Variants in MBOAT1 observed in about 807,000 individuals in gnomAD.
MBOAT1 encodes the protein membrane bound glycerophospholipid O-acyltransferase 1.
Under a neutral mutation model 64.4 loss-of-function variants are expected in MBOAT1, and 67 were observed. That is an observed-to-expected ratio of 1.04 (90% CI 0.85 to 1.27). The LOEUF (loss-of-function observed/expected upper bound fraction) is 1.27, where lower values mean the gene tolerates loss of function less well. Ranked by LOEUF, MBOAT1 falls within the 50% of genes most tolerant of loss-of-function variation. MBOAT1 has a pLI of 0.00. For synonymous variants in MBOAT1, 229 were observed against 218.9 expected (o/e 1.05, Z -0.41); for missense variants, 563 against 604.6 (o/e 0.93, Z 0.72).
chr6:20,164,879 G>T (rs553509480), intron 1 of MBOAT1, among the ~76,000 whole-genome samples: 93 of 152,204 alleles, frequency 6.1e-4, no homozygotes, highest in African/African-American at 2.1e-3. Context: ...ACCATTTTGT[G>T]TTTCACTCTC....
At chr6:20,108,148 C>T (rs901270978) in intron 12 of MBOAT1, among the ~76,000 whole-genome samples, 4 of 152,290 alleles carry the variant, frequency 2.6e-5, no homozygotes, top group African/African-American at 9.6e-5. Context: ...GCTGGCAACA[C>T]GTGGCTGTTA....
intron 4 of MBOAT1, among the ~76,000 whole-genome samples, chr6:20,143,601 CA>C (rs1368509246): frequency 7.2e-5 from 11 of 152,128 alleles, no homozygotes; most frequent in African/African-American, 2.4e-4. Context: ...TGGAGCCTCT[CA>C]GAAGGTGGAG....
chr6:20,195,081 T>C (rs1239670013), intron 1 of MBOAT1, among the ~76,000 whole-genome samples: 1 of 151,902 alleles, frequency 6.6e-6, no homozygotes, highest in Admixed American at 6.6e-5. Context: ...GCCTCCTGAA[T>C]AGCTGGGACC....
intron 8 of MBOAT1, among the ~76,000 whole-genome samples, chr6:20,122,222 T>C (rs1193503845): frequency 1.3e-5 from 2 of 152,130 alleles, no homozygotes; most frequent in African/African-American, 4.8e-5. Context: ...GTAAGTAGGC[T>C]TCCAACCATA....
chr6:20,206,371 G>A (rs891065191), intron 1 of MBOAT1, among the ~76,000 whole-genome samples: 9 of 152,018 alleles, frequency 5.9e-5, no homozygotes, highest in East Asian at 1.9e-4. Context: ...ATGGGGTTTC[G>A]CCATGTTGGC....
intron 1 of MBOAT1, among the ~76,000 whole-genome samples, chr6:20,162,068 C>T (rs567141795): frequency 1.3e-5 from 2 of 152,154 alleles, no homozygotes; most frequent in East Asian, 1.9e-4. Context: ...ACAAGGATAC[C>T]GGTCATGTTG....
intron 4 of MBOAT1, among the ~76,000 whole-genome samples, chr6:20,137,201 C>T (rs140959690): frequency 6.6e-6 from 1 of 152,256 alleles, no homozygotes; most frequent in East Asian, 1.9e-4. Flanking sequence ...TGCCAGTTTA[C>T]ACTCCCACTA....
chr6:20,187,510 T>C (rs140107703), intron 1 of MBOAT1, among the ~76,000 whole-genome samples: 91 of 152,350 alleles, frequency 6.0e-4, no homozygotes, highest in African/African-American at 2.0e-3. Flanking sequence ...CTTCCCACTT[T>C]CCCACTGAAA....
At chr6:20,198,904 A>ACG (rs1763040387) in intron 1 of MBOAT1, among the ~76,000 whole-genome samples, 1 of 152,226 alleles carries the variant, frequency 6.6e-6, no homozygotes, top group Admixed American at 6.5e-5. Context: ...CTCCTTACGT[A>ACG]TTTTAAGTTC....
At position 20,112,950 on chromosome 6, in the gene MBOAT1, A is replaced by G; in HGVS notation, c.1135T>C (p.Leu379=). The change falls in exon 11 of 13, where the codon TTG becomes CTG. Residue 379 remains leucine (L), a synonymous_variant. Transcript: ENST00000324607. ...TATCCAGGGTAGACACCATGCCACA[A>G]AGCAGACAGGATGAAGGTTAGCACC... The part of the protein sequence containing the change: ...PTVLTFILSA[L]WHGVYPGYYF... 2 of 1,614,152 alleles carry G rather than the reference A, an allele frequency of 1.2e-6. No homozygotes were observed. The highest frequency in any genetic ancestry group is 1.7e-6 in the Non-Finnish European group (2 of 1,179,986).
At chr6:20,206,864 C>A (rs543219100) in intron 1 of MBOAT1, among the ~76,000 whole-genome samples, 46 of 152,298 alleles carry the variant, frequency 3.0e-4, no homozygotes, top group African/African-American at 1.1e-3. Flanking sequence ...AAAGACTTCA[C>A]TAGAAATCCT....
intron 11 of MBOAT1, among the ~76,000 whole-genome samples, chr6:20,112,275 C>T (rs1389548737): frequency 1.3e-5 from 2 of 152,044 alleles, no homozygotes; most frequent in Non-Finnish European, 2.9e-5. Context: ...TGCTCTACAA[C>T]AAGCAAATTG....
At chr6:20,203,793 G>T (rs533629142) in intron 1 of MBOAT1, among the ~76,000 whole-genome samples, 1 of 148,074 alleles carries the variant, frequency 6.8e-6, no homozygotes, top group Non-Finnish European at 1.5e-5. Context: ...TTTACAATGG[G>T]CCCGTTTAAA....
intron 1 of MBOAT1, among the ~76,000 whole-genome samples, chr6:20,194,484 G>A (rs895695352): frequency 2.0e-5 from 3 of 152,136 alleles, no homozygotes; most frequent in Non-Finnish European, 2.9e-5. Flanking sequence ...AGAAACCCTC[G>A]ATCGAGATTT....
intron 1 of MBOAT1, among the ~76,000 whole-genome samples, chr6:20,186,223 G>T (rs563796133): frequency 6.6e-6 from 1 of 152,312 alleles, no homozygotes; most frequent in African/African-American, 2.4e-5. Context: ...AAAACAATGG[G>T]AGTAAGAGGG....
chr6:20,105,763 CGGA>C (rs775425816), intron 12 of MBOAT1, among the ~76,000 whole-genome samples: 12 of 152,230 alleles, frequency 7.9e-5, no homozygotes, highest in Admixed American at 3.3e-4. Flanking sequence ...GCCTCGGCAA[CGGA>C]GGAGACCCCA....
chr6:20,203,547 T>C (rs1025256317), intron 1 of MBOAT1, among the ~76,000 whole-genome samples: 1 of 152,230 alleles, frequency 6.6e-6, no homozygotes, highest in African/African-American at 2.4e-5. Flanking sequence ...TTATCTTAAT[T>C]AAGTCATTCA....
At chr6:20,205,912 C>T (rs1763251633) in intron 1 of MBOAT1, among the ~76,000 whole-genome samples, 2 of 152,178 alleles carry the variant, frequency 1.3e-5, no homozygotes, top group African/African-American at 4.8e-5. Flanking sequence ...GGCCACCCTA[C>T]CTGCCCAGAC....
intron 1 of MBOAT1, among the ~76,000 whole-genome samples, chr6:20,194,955 A>G (rs1010828080): frequency 6.9e-6 from 1 of 145,228 alleles, no homozygotes; most frequent in African/African-American, 2.7e-5. Flanking sequence ...TCTATAATCT[A>G]GACTTTTTTT....
Sources: allele counts gnomAD v4.1 joint callset (sites outside exome capture counted in the v4.1 genomes callset), GRCh38; gene constraint gnomAD v4.1.1; transcripts MANE v1.5; gene names NCBI Gene and HGNC (gene_info 2026-07-23, HGNC 2026-07-21).